CHST8: variants seen among roughly 807,000 people sequenced by gnomAD.
CHST8 encodes the protein GALNAC-4-ST1.
Under a neutral mutation model 15.0 loss-of-function variants are expected in CHST8, and 10 were observed. The ratio of observed to expected loss-of-function variants is 0.67; its 90% CI spans 0.41 to 1.13. CHST8 has a LOEUF of 1.13. Ranked by LOEUF, CHST8 falls within the 50% of genes most tolerant of loss-of-function variation. The probability of loss-of-function intolerance (pLI) is 0.00; values close to 1 mark genes in which losing one functional copy is unlikely to be tolerated. For missense variants in CHST8, 634 were observed against 608.2 expected, an observed-to-expected ratio of 1.04 and a Z score of -0.45; for synonymous variants, 259 against 256.6, an observed-to-expected ratio of 1.01 and a Z score of -0.09.
intron 3 of CHST8, among the ~76,000 whole-genome samples, chr19:33,744,010 C>T (rs897767174): frequency 1.3e-5 from 2 of 151,984 alleles, no homozygotes; most frequent in East Asian, 1.9e-4. Flanking sequence ...AGGCTGGTCT[C>T]GAACTCCTGA....
In CHST8 at chr19:33,773,191, G is replaced by C. The variant is rs1975049911; in HGVS notation, c.*128G>C. 5.3e-6 allele frequency: 6 copies of C among 1,124,788 alleles called. No homozygotes were observed. In the South Asian group the frequency reaches 9.8e-5, roughly 18 times the overall value. The allele number at this position is 1,124,788 out of a possible 1,614,324, so 69.7% of individuals were successfully genotyped here. ...GAGGACGTGAGGAGCCATCGCTGTGGGAGGCAGCAGGCCCCGGGTGGGGGG... is the reference window on the plus strand; with the variant it reads ...GAGGACGTGAGGAGCCATCGCTGTGCGAGGCAGCAGGCCCCGGGTGGGGGG... On this transcript the variant is annotated 3_prime_UTR_variant, in exon 5 of 5. Coordinates refer to ENST00000650847, the MANE Select transcript of CHST8 (RefSeq NM_001127895.2).
chr19:33,695,257 T>G (rs891368343), intron 3 of CHST8, among the ~76,000 whole-genome samples: 1 of 152,152 alleles, frequency 6.6e-6, no homozygotes, highest in South Asian at 2.1e-4. Context: ...GGTATGATTC[T>G]TACAAATAAA....
intron 3 of CHST8, among the ~76,000 whole-genome samples, chr19:33,733,122 C>T (rs1224173272): frequency 6.6e-6 from 1 of 152,154 alleles, no homozygotes; most frequent in Non-Finnish European, 1.5e-5. Flanking sequence ...TCTCTAGGAG[C>T]CCACCAGGAC....
intron 3 of CHST8, among the ~76,000 whole-genome samples, chr19:33,730,414 A>G (rs890195844): frequency 6.6e-6 from 1 of 152,236 alleles, no homozygotes; most frequent in Non-Finnish European, 1.5e-5. Flanking sequence ...CATTGTAAGA[A>G]TTAAATGAGA....
intron 3 of CHST8, among the ~76,000 whole-genome samples, chr19:33,757,486 GAA>G (rs1568358612): frequency 1.8e-4 from 8 of 45,222 alleles, no homozygotes; most frequent in African/African-American, 3.7e-4. Flanking sequence ...AAGAAAGAAA[GAA>G]AGAAAGAAAG....
At chr19:33,644,176 A>C (rs982221956) in intron 1 of CHST8, among the ~76,000 whole-genome samples, 4 of 152,016 alleles carry the variant, frequency 2.6e-5, no homozygotes, top group Non-Finnish European at 5.9e-5. Flanking sequence ...CAGGTGATCC[A>C]CCCACCTCAG....
rs760311223 is a variant in CHST8 at position 33,771,990 on chromosome 19, T to C, written c.202T>C (p.Leu68=). Reference sequence around the variant, plus strand: ...ACCAGGCGGCTCCCAGGATGGTGACTTGAAGGAACCCACAGAGAGGGTCAC... The same window carrying C: ...ACCAGGCGGCTCCCAGGATGGTGACCTGAAGGAACCCACAGAGAGGGTCAC... ...LPPGGSQDGD[L]KEPTERVTRD... Residue 68 remains leucine (L), a synonymous_variant, in exon 5 of 5, where the codon TTG becomes CTG. Coordinates refer to ENST00000650847, the MANE Select transcript of CHST8 (RefSeq NM_001127895.2). The C allele has an allele frequency of 1.3e-6, 2 of 1,585,410 alleles. No homozygotes were observed. The highest frequency in any genetic ancestry group is 3.8e-5 in the Admixed American group (2 of 52,682).
chr19:33,739,436 T>A (rs1429684401), intron 3 of CHST8, among the ~76,000 whole-genome samples: 1 of 152,248 alleles, frequency 6.6e-6, no homozygotes, highest in Non-Finnish European at 1.5e-5. Context: ...GAGGATTTCA[T>A]CATCCTCAGA....
At chr19:33,740,071 T>C (rs1352872072) in intron 3 of CHST8, among the ~76,000 whole-genome samples, 1 of 152,144 alleles carries the variant, frequency 6.6e-6, no homozygotes, top group Non-Finnish European at 1.5e-5. Flanking sequence ...TGTAAGTCAA[T>C]TTGTCCAGGA....
chr19:33,741,978 C>T (rs1184894444), intron 3 of CHST8, among the ~76,000 whole-genome samples: 1 of 152,072 alleles, frequency 6.6e-6, no homozygotes, highest in East Asian at 1.9e-4. Context: ...TCATTTATTA[C>T]CTGGTACCCT....
intron 1 of CHST8, among the ~76,000 whole-genome samples, chr19:33,651,302 T>C (rs946371069): frequency 4.6e-5 from 7 of 152,198 alleles, no homozygotes; most frequent in Non-Finnish European, 8.8e-5. Context: ...GGGCTTCTCT[T>C]GTTCTATTCC....
chr19:33,713,702 A>C (rs1973603806), intron 3 of CHST8, among the ~76,000 whole-genome samples: 1 of 152,158 alleles, frequency 6.6e-6, no homozygotes, highest in Non-Finnish European at 1.5e-5. Flanking sequence ...ATAGGATTAC[A>C]GGTACCTGCC....
intron 3 of CHST8, among the ~76,000 whole-genome samples, chr19:33,743,144 CT>C (rs1422177138): frequency 6.6e-6 from 1 of 152,154 alleles, no homozygotes; most frequent in African/African-American, 2.4e-5. Flanking sequence ...CCTCCTTCCC[CT>C]CTCACCAGTG....
chr19:33,772,119 C>A lies in CHST8; in HGVS notation c.331C>A (p.Arg111Ser). The A allele has an allele frequency of 1.2e-6, 2 of 1,610,770 alleles. No homozygotes were observed. The highest frequency in any genetic ancestry group is 2.2e-5 in the South Asian group (2 of 90,950). Reference protein sequence around the residue: ...RGTRLRLRQRRRRLLIKKMPA... With the variant: ...RGTRLRLRQRSRRLLIKKMPA... ...AACCCGTCTGCGGCTCCGCCAGCGC[C>A]GTCGCCGTCTGCTCATCAAGAAAAT... Residue 111 changes from arginine (R) to serine (S), a missense_variant, in exon 5 of 5, where the codon CGT becomes AGT. By Grantham distance (110) the Arg-to-Ser change is moderately radical (BLOSUM62 -1). Transcript: ENST00000650847.
chr19:33,718,160 A>G (rs918693709), intron 3 of CHST8, among the ~76,000 whole-genome samples: 2 of 150,834 alleles, frequency 1.3e-5, no homozygotes, highest in African/African-American at 4.9e-5. Flanking sequence ...TACATCTTCC[A>G]TCTCCCGCCA....
At chr19:33,672,854 C>T (rs1213830652) in intron 2 of CHST8, among the ~76,000 whole-genome samples, 1 of 152,154 alleles carries the variant, frequency 6.6e-6, no homozygotes, top group African/African-American at 2.4e-5. Context: ...TTTTCTGAGC[C>T]GCCAAGAAAG....
intron 1 of CHST8, among the ~76,000 whole-genome samples, chr19:33,628,711 A>T (rs1303474160): frequency 6.6e-6 from 1 of 152,164 alleles, no homozygotes; most frequent in Non-Finnish European, 1.5e-5. Context: ...ATACTGGTGG[A>T]TCTCAGCACA....
intron 3 of CHST8, among the ~76,000 whole-genome samples, chr19:33,697,677 T>A (rs1193026159): frequency 6.6e-6 from 1 of 152,238 alleles, no homozygotes; most frequent in Non-Finnish European, 1.5e-5. Flanking sequence ...GGCGGCTGCC[T>A]GTGGTTCACT....
chr19:33,672,450 C>T (rs1228819955), intron 2 of CHST8, among the ~76,000 whole-genome samples: 2 of 152,150 alleles, frequency 1.3e-5, no homozygotes, highest in East Asian at 3.9e-4. Flanking sequence ...CCAACTGCCT[C>T]GGCCTCCCAA....
Sources: gnomAD v4.1 joint callset for allele counts (sites outside exome capture counted in the v4.1 genomes callset) on GRCh38, gnomAD v4.1.1 for gene constraint, MANE v1.5 for transcripts, NCBI Gene and HGNC (gene_info 2026-07-23, HGNC 2026-07-21) for gene names.